The following KIF6 variants were observed in gnomAD, a reference collection of about 807,000 sequenced individuals.
KIF6 encodes the protein kinesin family member 6, also known as kinesin-like protein KIF6.
Under a neutral mutation model 112.7 loss-of-function variants are expected in KIF6, and 106 were observed. That is an observed-to-expected ratio of 0.94 (90% confidence interval 0.80 to 1.11). The LOEUF is 1.11. Ranked by LOEUF, KIF6 falls within the 50% of genes least tolerant of loss-of-function variation. The pLI, the probability that KIF6 is intolerant of heterozygous loss-of-function variation, is 0.00. For synonymous variants in KIF6, 339 were observed against 339.9 expected (o/e 1.00, Z 0.03); for missense variants, 929 against 964.0 (o/e 0.96, Z 0.48).
chr6:39,714,876 T>C (rs2113878900), intron 2 of KIF6, 110 bp from the exon 3 acceptor site: 2 of 716,284 alleles, frequency 2.8e-6, no homozygotes, highest in East Asian at 2.7e-5. Context: ...TTTACATCAC[T>C]GGGCTTACCT....
intron 13 of KIF6, among the ~76,000 whole-genome samples, chr6:39,485,567 G>A (rs569945024): frequency 6.6e-6 from 1 of 152,222 alleles, no homozygotes; most frequent in Admixed American, 6.5e-5. Flanking sequence ...AAAATCTGTA[G>A]TTTAGCGATT....
At chr6:39,536,832 A>C (rs974209578) in intron 13 of KIF6, among the ~76,000 whole-genome samples, 14 of 152,118 alleles carry the variant, frequency 9.2e-5, no homozygotes, top group African/African-American at 2.7e-4. Flanking sequence ...TACTGGCAAA[A>C]CGAATCCAGC....
chr6:39,465,855 A>G (rs182170244), intron 13 of KIF6, among the ~76,000 whole-genome samples: 4 of 152,224 alleles, frequency 2.6e-5, no homozygotes, highest in Admixed American at 1.3e-4. Flanking sequence ...TGATCATACT[A>G]TTCCTTATTC....
In KIF6 at chr6:39,354,889, A is replaced by G. The variant is rs546118864; in HGVS notation, c.2180+2388T>C. ...GAACTGCCTGCCCATGCCCATTTAA[A>G]AAATGTTGGCCAGGTGTGGTGCTCA... On this transcript the variant is annotated intron_variant, in intron 19 of 22. Transcript: ENST00000287152. 2.6e-5 allele frequency among the ~76,000 whole-genome samples: 4 copies of G among 152,344 alleles called. No individual in the cohort carries two copies. In the East Asian group the frequency reaches 7.7e-4, roughly 29 times the overall value.
In KIF6 at chr6:39,721,411, T is replaced by C. The variant is rs1790209674; in HGVS notation, c.67-600A>G. ...TTCTCCTTCCAACTCAGCCACTAAT[T>C]AGCAAGTGACCTGGGAGAAATCCTT... On this transcript the variant is annotated intron_variant, in intron 1 of 22. Transcript: ENST00000287152. Among the ~76,000 whole-genome samples, 4 of 152,200 alleles carry C rather than the reference T, an allele frequency of 2.6e-5. No individual in the cohort carries two copies. The South Asian group carries it at 8.3e-4, about 32-fold the overall frequency.
At chr6:39,513,872 C>T (rs1367095287) in intron 13 of KIF6, among the ~76,000 whole-genome samples, 2 of 152,098 alleles carry the variant, frequency 1.3e-5, no homozygotes, top group African/African-American at 2.4e-5. Context: ...TTTGGCCAAC[C>T]ACACTAGAAA....
chr6:39,349,666 C>T (rs1359085673), intron 19 of KIF6, among the ~76,000 whole-genome samples: 1 of 75,674 alleles, frequency 1.3e-5, no homozygotes, highest in Non-Finnish European at 2.3e-5. Context: ...TTTTTTGAGA[C>T]AGGGTCTTGC....
chr6:39,503,956 A>G (rs1394262845), intron 13 of KIF6, among the ~76,000 whole-genome samples: 1 of 152,186 alleles, frequency 6.6e-6, no homozygotes, highest in Non-Finnish European at 1.5e-5. Context: ...ATTCCCACTG[A>G]AACTATTCCA....
intron 6 of KIF6, among the ~76,000 whole-genome samples, chr6:39,611,032 C>T (rs1460459599): frequency 6.6e-6 from 1 of 152,162 alleles, no homozygotes; most frequent in African/African-American, 2.4e-5. Flanking sequence ...TCTGGCTGGG[C>T]GCGGTGGCTC....
chr6:39,571,949 A>G (rs375789247), intron 10 of KIF6, among the ~76,000 whole-genome samples: 59 of 126,220 alleles, frequency 4.7e-4, no homozygotes, highest in African/African-American at 1.7e-3. Flanking sequence ...GACATCCTTT[A>G]GAAATTTTTC....
chr6:39,574,384 A>G (rs1780816641), intron 10 of KIF6, among the ~76,000 whole-genome samples: 1 of 152,164 alleles, frequency 6.6e-6, no homozygotes, highest in South Asian at 2.1e-4. Context: ...TTTCGGTCTG[A>G]AAGTTTGCAT....
At chr6:39,574,238 T>C (rs1455568422) in intron 10 of KIF6, among the ~76,000 whole-genome samples, 1 of 152,190 alleles carries the variant, frequency 6.6e-6, no homozygotes, top group East Asian at 1.9e-4. Context: ...ATAATATAAA[T>C]ATTATACAAT....
At chr6:39,527,633 G>T (rs1353193707) in intron 13 of KIF6, among the ~76,000 whole-genome samples, 1 of 152,108 alleles carries the variant, frequency 6.6e-6, no homozygotes, top group Non-Finnish European at 1.5e-5. Flanking sequence ...GTTAAAAGAA[G>T]TTCCCATCTA....
intron 15 of KIF6, among the ~76,000 whole-genome samples, chr6:39,389,332 T>G (rs534273443): frequency 6.6e-6 from 1 of 152,308 alleles, no homozygotes; most frequent in African/African-American, 2.4e-5. Context: ...AGCTATTCAC[T>G]TACGACTCCC....
intron 2 of KIF6, 34 bp from the exon 3 acceptor site, chr6:39,714,800 T>C (rs367847255): frequency 1.7e-5 from 23 of 1,345,684 alleles, no homozygotes; most frequent in Non-Finnish European, 2.2e-5. Flanking sequence ...ATTTAAAAGC[T>C]GCACCTCCAA....
chr6:39,385,903 T>C (rs988804460), intron 15 of KIF6, among the ~76,000 whole-genome samples: 1 of 152,216 alleles, frequency 6.6e-6, no homozygotes, highest in Non-Finnish European at 1.5e-5. Flanking sequence ...ATTTCACCCT[T>C]GAGTTCAATC....
intron 6 of KIF6, among the ~76,000 whole-genome samples, chr6:39,609,287 C>T (rs1047074440): frequency 5.9e-5 from 9 of 152,110 alleles, no homozygotes; most frequent in African/African-American, 1.4e-4. Context: ...CAGGGGACCC[C>T]GGACTTTCCC....
chr6:39,391,923 G>T (rs28581558), intron 15 of KIF6, among the ~76,000 whole-genome samples: 1 of 152,032 alleles, frequency 6.6e-6, no homozygotes. Flanking sequence ...GTATACATAT[G>T]CATGTATGTA....
chr6:39,443,159 T>TAATAATAAA (rs1554217813), intron 13 of KIF6, among the ~76,000 whole-genome samples: 4 of 130,110 alleles, frequency 3.1e-5, no homozygotes, highest in East Asian at 4.6e-4. Flanking sequence ...ATAATAATAA[T>TAATAATAAA]AAATAAAAAT....
Sources: gnomAD v4.1 joint callset for allele counts (sites outside exome capture counted in the v4.1 genomes callset) on GRCh38, gnomAD v4.1.1 for gene constraint, MANE v1.5 for transcripts, NCBI Gene and HGNC (gene_info 2026-07-23, HGNC 2026-07-21) for gene names.